Variants in PNPLA1 observed in about 807,000 individuals in gnomAD.
The protein encoded by PNPLA1 is omega-hydroxyceramide transacylase.
A neutral mutation model predicts 51.7 loss-of-function variants in PNPLA1; 36 were observed. The ratio of observed to expected loss-of-function variants is 0.70; its 90% CI spans 0.53 to 0.92. The LOEUF is 0.92. Among genes scored for constraint, PNPLA1 ranks in the 40% least tolerant of loss-of-function variants. The pLI, the probability that PNPLA1 is intolerant of heterozygous loss-of-function variation, is 0.00. For synonymous variants in PNPLA1, 293 were observed against 280.1 expected, an observed-to-expected ratio of 1.05 and a Z score of -0.46; for missense variants, 658 against 682.5, an observed-to-expected ratio of 0.96 and a Z score of 0.40.
chr6:36,291,337 C>G lies in PNPLA1; in HGVS notation c.223C>G (p.Leu75Val), dbSNP rs1178237569. Residue 75 changes from leucine to valine, a missense_variant, in exon 2 of 9, where the codon CTC (leucine) becomes GTC (valine). Physicochemically the swap from Leu to Val is conservative, Grantham distance 32. Coordinates refer to ENST00000636260, the MANE Select transcript of PNPLA1 (RefSeq NM_001374623.1). ...GIEMDEYLRVLNVGVAEVKKS... is the reference protein window; with the variant it reads ...GIEMDEYLRVVNVGVAEVKKS... ...CTTTGCAGATGAGTATCTCAGAGTC[C>G]TCAACGTGGGTGTGGCCGAGGTGAA... The G allele has an allele frequency of 3.1e-6, 5 of 1,613,978 alleles. No individual in the cohort carries two copies.
intron 8 of PNPLA1, among the ~76,000 whole-genome samples, chr6:36,309,366 A>G (rs888832124): frequency 2.6e-5 from 4 of 151,952 alleles, no homozygotes; most frequent in Non-Finnish European, 5.9e-5. Flanking sequence ...CACTTCCCTG[A>G]CCTTTGAGTG....
At chr6:36,275,163 C>T (rs967375112) in intron 1 of PNPLA1, among the ~76,000 whole-genome samples, 1 of 152,158 alleles carries the variant, frequency 6.6e-6, no homozygotes, top group Non-Finnish European at 1.5e-5. Context: ...ACTGCAGCCT[C>T]GAACTCCTAG....
chr6:36,289,262 C>T (rs991875446), intron 1 of PNPLA1, among the ~76,000 whole-genome samples: 1 of 152,164 alleles, frequency 6.6e-6, no homozygotes, highest in East Asian at 1.9e-4. Flanking sequence ...TCTCAGGCCT[C>T]ATGGGAAAAG....
chr6:36,281,180 T>G (rs12665222), intron 1 of PNPLA1, among the ~76,000 whole-genome samples: 69,331 of 152,056 alleles, frequency 0.46, 17,986 homozygotes, highest in Non-Finnish European at 0.59. Flanking sequence ...CCTTAATACA[T>G]GAATGAGAAC....
upstream of PNPLA1, among the ~76,000 whole-genome samples, chr6:36,269,595 C>T (rs1020092819): frequency 2.0e-5 from 3 of 152,176 alleles, no homozygotes; most frequent in Admixed American, 2.0e-4. Context: ...TTTCTTCCTG[C>T]ACACTTAGAA....
chr6:36,300,241 C>A (rs1418772565), intron 5 of PNPLA1, among the ~76,000 whole-genome samples: 1 of 142,170 alleles, frequency 7.0e-6, no homozygotes, highest in African/African-American at 2.5e-5. Context: ...GTCACCCAGG[C>A]TGGAGTGCAG....
chr6:36,276,620 G>A (rs1036633385), intron 1 of PNPLA1, among the ~76,000 whole-genome samples: 3 of 152,104 alleles, frequency 2.0e-5, no homozygotes, highest in Non-Finnish European at 4.4e-5. Flanking sequence ...AAAACAAAAT[G>A]TTTCTTATGG....
chr6:36,262,615 G>A (rs1173354578), intron 1 of PNPLA1, among the ~76,000 whole-genome samples: 1 of 152,152 alleles, frequency 6.6e-6, no homozygotes, highest in African/African-American at 2.4e-5. Context: ...ACCATCCTCA[G>A]CGGTTTTATT....
At chr6:36,280,437 C>G (rs112801438) in intron 1 of PNPLA1, among the ~76,000 whole-genome samples, 7 of 152,180 alleles carry the variant, frequency 4.6e-5, no homozygotes, top group Non-Finnish European at 8.8e-5. Context: ...TAGGTTGTAT[C>G]AATTCAAGCT....
upstream of PNPLA1, among the ~76,000 whole-genome samples, chr6:36,265,138 T>C (rs1769734310): frequency 2.6e-5 from 4 of 152,172 alleles, no homozygotes. Context: ...GTCAGGAGTT[T>C]GTGACTAGCC....
At chr6:36,254,269 T>C (rs909113142) in intron 1 of PNPLA1, among the ~76,000 whole-genome samples, 2 of 152,226 alleles carry the variant, frequency 1.3e-5, no homozygotes, top group African/African-American at 4.8e-5. Context: ...CTTGGTTCCC[T>C]AATTGATTAG....
chr6:36,254,711 A>G (rs1330754268), intron 1 of PNPLA1, among the ~76,000 whole-genome samples: 2 of 152,074 alleles, frequency 1.3e-5, no homozygotes, highest in Non-Finnish European at 2.9e-5. Flanking sequence ...TATTGTGGCC[A>G]TTGGGTCTAC....
chr6:36,309,477 C>G (rs1402183505), intron 8 of PNPLA1, among the ~76,000 whole-genome samples: 10 of 152,188 alleles, frequency 6.6e-5, no homozygotes, highest in Admixed American at 6.5e-4. Flanking sequence ...GGAGCACTAT[C>G]TGGAAGCCAA....
chr6:36,257,691 T>A (rs1769559668), intron 1 of PNPLA1, among the ~76,000 whole-genome samples: 1 of 152,360 alleles, frequency 6.6e-6, no homozygotes, highest in African/African-American at 2.4e-5. Flanking sequence ...TTGAAAATGG[T>A]TATAATAGCT....
chr6:36,249,773 C>G (rs1245293940), intron 1 of PNPLA1, among the ~76,000 whole-genome samples: 6 of 152,140 alleles, frequency 3.9e-5, no homozygotes, highest in Non-Finnish European at 8.8e-5. Context: ...GGTAAGTGAA[C>G]AAGTTGGACA....
At chr6:36,279,676 C>T (rs1400912134) in intron 1 of PNPLA1, among the ~76,000 whole-genome samples, 2 of 152,150 alleles carry the variant, frequency 1.3e-5, no homozygotes, top group Admixed American at 6.5e-5. Context: ...GTTTTGCCAT[C>T]TGTAACTTGG....
intron 5 of PNPLA1, among the ~76,000 whole-genome samples, chr6:36,297,447 T>C (rs1770891701): frequency 6.6e-6 from 1 of 151,798 alleles, no homozygotes; most frequent in Admixed American, 6.6e-5. Context: ...AAAATGGGAG[T>C]CCGCCCAGCC....
At chr6:36,295,907 G>A (rs1042296934) in intron 5 of PNPLA1, among the ~76,000 whole-genome samples, 1 of 152,192 alleles carries the variant, frequency 6.6e-6, no homozygotes, top group Non-Finnish European at 1.5e-5. Context: ...TGTAGGTTTG[G>A]AATGGTGGTC....
In PNPLA1 at chr6:36,294,247, A is replaced by T; in HGVS notation, c.562A>T (p.Ile188Phe). 1 of 1,614,198 alleles carries T rather than the reference A, an allele frequency of 6.2e-7. No homozygotes were observed. The highest frequency in any genetic ancestry group is 1.3e-5 in the African/African-American group (1 of 75,054). ...GCCCTGTGCCTTCTGGACCGACGCCATCACCATCTCCACCTTCAGTGGGCA... is the reference window on the plus strand; with the variant it reads ...GCCCTGTGCCTTCTGGACCGACGCCTTCACCATCTCCACCTTCAGTGGGCA... The part of the protein sequence containing the change: ...MQPCAFWTDA[I>F]TISTFSGQQD... The change falls in exon 4 of 9, where the codon ATC becomes TTC. Residue 188 changes from isoleucine (I) to phenylalanine (F), a missense_variant. Ile to Phe is a conservative substitution (Grantham distance 21). Coordinates refer to ENST00000636260, the MANE Select transcript of PNPLA1 (RefSeq NM_001374623.1). This position sits in a 1 kb window ranked among gnomAD's most constrained non-coding sequence, Gnocchi z 4.2.
Sources: gnomAD v4.1 joint callset for allele counts (sites outside exome capture counted in the v4.1 genomes callset) on GRCh38, gnomAD v4.1.1 for gene constraint, Gnocchi (gnomAD v3.1) non-coding constraint, MANE v1.5 for transcripts, NCBI Gene and HGNC (gene_info 2026-07-23, HGNC 2026-07-21) for gene names.